LARGE1: variants seen among roughly 807,000 people sequenced by gnomAD.
The protein encoded by LARGE1 is xylosyl- and glucuronyltransferase LARGE1.
In LARGE1, 43 loss-of-function variants were observed where a neutral mutation model predicts 87.6. The ratio of observed to expected loss-of-function variants is 0.49; its 90% CI spans 0.38 to 0.63. LARGE1 has a LOEUF of 0.63. LARGE1 is among the 30% of genes least tolerant of loss of function. The pLI is 0.00. For missense variants in LARGE1, 802 were observed against 1,000.2 expected (o/e 0.80, Z 2.67); for synonymous variants, 434 against 394.6 (o/e 1.10, Z -1.18).
At chr22:33,791,363 C>T (rs893078312) in intron 1 of LARGE1, among the ~76,000 whole-genome samples, 2 of 152,188 alleles carry the variant, frequency 1.3e-5, no homozygotes, top group African/African-American at 4.8e-5. Context: ...GGAGTAAACT[C>T]TTCTGCACAA....
chr22:33,216,781 A>T (rs1382890341), intron 11 of LARGE1, among the ~76,000 whole-genome samples: 1 of 152,138 alleles, frequency 6.6e-6, no homozygotes, highest in Non-Finnish European at 1.5e-5. Context: ...CAGAGGAGCT[A>T]TCCCATCTGC....
the LARGE1 span, among the ~76,000 whole-genome samples, chr22:33,146,539 CG>C: frequency 7.2e-5 from 11 of 152,068 alleles, no homozygotes; most frequent in African/African-American, 2.4e-4. Context: ...TTGGCCTCTA[CG>C]CTTTACTCTC....
chr22:33,375,575 A>T (rs1410481432), intron 9 of LARGE1, among the ~76,000 whole-genome samples: 1 of 152,202 alleles, frequency 6.6e-6, no homozygotes, highest in Non-Finnish European at 1.5e-5. Flanking sequence ...GAAATGTCAT[A>T]TCTGAGAATA....
chr22:33,256,210 C>G (rs1434655201), intron 11 of LARGE1, among the ~76,000 whole-genome samples: 1 of 152,236 alleles, frequency 6.6e-6, no homozygotes, highest in Admixed American at 6.5e-5. Flanking sequence ...TTTTGCACAT[C>G]TGGAGGACGA....
chr22:33,669,648 A>C (rs897232790), intron 2 of LARGE1, among the ~76,000 whole-genome samples: 2 of 152,210 alleles, frequency 1.3e-5, no homozygotes, highest in Non-Finnish European at 2.9e-5. Context: ...TGTGGGATAA[A>C]GCCCAAGATC....
intron 11 of LARGE1, among the ~76,000 whole-genome samples, chr22:33,234,112 C>T (rs1926138908): frequency 6.6e-6 from 1 of 152,234 alleles, no homozygotes; most frequent in South Asian, 2.1e-4. Context: ...GTTACATATC[C>T]AGCATGTGTC....
intron 6 of LARGE1, among the ~76,000 whole-genome samples, chr22:33,516,703 C>T (rs1012298537): frequency 1.3e-5 from 2 of 152,118 alleles, no homozygotes; most frequent in African/African-American, 4.8e-5. Context: ...GATTCTCCTG[C>T]CTCAGCCTCC....
At chr22:33,368,533 C>CAAAA (rs34999879) in intron 9 of LARGE1, among the ~76,000 whole-genome samples, 1 of 115,696 alleles carries the variant, frequency 8.6e-6, no homozygotes, top group African/African-American at 2.9e-5. Flanking sequence ...GACTCTTTCT[C>CAAAA]AAAAAAAAAA....
chr22:33,316,771 AGAG>A (rs1391249805), intron 10 of LARGE1, among the ~76,000 whole-genome samples: 1 of 152,200 alleles, frequency 6.6e-6, no homozygotes, highest in African/African-American at 2.4e-5. Flanking sequence ...AACAAAAAAA[AGAG>A]GATGCCTTTA....
intron 6 of LARGE1, among the ~76,000 whole-genome samples, chr22:33,433,832 T>G (rs1238909771): frequency 6.6e-6 from 1 of 152,220 alleles, no homozygotes; most frequent in Non-Finnish European, 1.5e-5. Context: ...AACACTATGC[T>G]GGGTGATATA....
At chr22:33,709,449 T>C (rs545857357) in intron 2 of LARGE1, among the ~76,000 whole-genome samples, 1 of 152,216 alleles carries the variant, frequency 6.6e-6, no homozygotes, top group East Asian at 1.9e-4. Flanking sequence ...CTAGGGTCTA[T>C]CTAGCTTTAC....
chr22:33,621,849 C>T (rs893937016), intron 4 of LARGE1, among the ~76,000 whole-genome samples: 5 of 152,272 alleles, frequency 3.3e-5, no homozygotes, highest in Admixed American at 6.5e-5. Context: ...GTATGGTAAA[C>T]GCACCTGACA....
At chr22:33,919,589 C>T (rs2267327) in intron 1 of LARGE1, among the ~76,000 whole-genome samples, 2,964 of 152,374 alleles carry the variant, frequency 0.019, 54 homozygotes, top group East Asian at 0.059. Flanking sequence ...AAGTTATTCA[C>T]AGCATCACAC....
intron 1 of LARGE1, among the ~76,000 whole-genome samples, chr22:33,907,566 TTTC>T (rs2065490540): frequency 7.0e-6 from 1 of 142,986 alleles, no homozygotes; most frequent in Admixed American, 6.8e-5. Context: ...TGTGAAGACA[TTTC>T]TTTTTTTTTT....
At chr22:33,173,643 G>GA (rs2146143914) in intron 11 of LARGE1, among the ~76,000 whole-genome samples, 1 of 150,226 alleles carries the variant, frequency 6.7e-6, no homozygotes, top group East Asian at 1.9e-4. Context: ...GAAGGAGGAA[G>GA]ATTTACTGAG....
chr22:33,475,831 T>G (rs1351643592), intron 6 of LARGE1, among the ~76,000 whole-genome samples: 1 of 152,198 alleles, frequency 6.6e-6, no homozygotes. Flanking sequence ...GCCATTCTTT[T>G]TAACCATGTC....
At chr22:33,604,630 C>G in intron 4 of LARGE1, 72 bp from the exon 5 acceptor site, 1 of 1,592,630 alleles carries the variant, frequency 6.3e-7, no homozygotes, top group Non-Finnish European at 8.6e-7. Context: ...CAAAAACACA[C>G]TCTTCACAGT....
intron 3 of LARGE1, among the ~76,000 whole-genome samples, chr22:33,644,262 CA>C (rs1177954992): frequency 6.6e-6 from 1 of 152,124 alleles, no homozygotes; most frequent in Non-Finnish European, 1.5e-5. Flanking sequence ...TCAACACACG[CA>C]AATCAATAAA....
At position 33,344,984 on chromosome 22, in the gene LARGE1, A is replaced by AT. The variant is rs575771058; in HGVS notation, c.1132-7184dup. Among the ~76,000 whole-genome samples, 247 of 152,258 alleles carry AT rather than the reference A, an allele frequency of 1.6e-3. 1 individual carries two copies. Among genetic ancestry groups the AT allele is most frequent in the African/African-American group, 4.5e-3 (187 of 41,570 alleles). The stretch of plus-strand genomic sequence containing the variant: ...ACACTGGAGAATGCACCCAAAATAG[A>AT]TTTTTGTAAGGAGCTGATAAGTGCA... On this transcript the variant is annotated intron_variant, in intron 9 of 14. Coordinates refer to ENST00000397394, the MANE Select transcript of LARGE1 (RefSeq NM_133642.5).
Sources: allele counts gnomAD v4.1 joint callset (sites outside exome capture counted in the v4.1 genomes callset), GRCh38; gene constraint gnomAD v4.1.1; transcripts MANE v1.5; gene names NCBI Gene and HGNC (gene_info 2026-07-23, HGNC 2026-07-21).